The following OIP5 variants were observed in gnomAD, a reference collection of about 807,000 sequenced individuals.
The protein encoded by OIP5 is protein Mis18-beta.
A neutral mutation model predicts 20.3 loss-of-function variants in OIP5; 24 were observed. That is an observed-to-expected ratio of 1.18 (90% CI 0.86 to 1.66). OIP5 has a LOEUF of 1.66. Among genes scored for constraint, OIP5 ranks in the 40% most tolerant of loss-of-function variants. The pLI is 0.00. For synonymous variants in OIP5, 143 were observed against 121.3 expected (o/e 1.18, Z -1.17); for missense variants, 339 against 289.5 (o/e 1.17, Z -1.24).
chr15:41,326,098 G>A (rs1359620139), intron 2 of OIP5, among the ~76,000 whole-genome samples: 2 of 152,148 alleles, frequency 1.3e-5, no homozygotes, highest in African/African-American at 2.4e-5. Flanking sequence ...GGGGGCAGAG[G>A]TTTCAGTGAG....
chr15:41,309,826 C>A lies in OIP5; in HGVS notation c.618G>T (p.Thr206=). ...TCATTAGTGATTTTAAGCGATTGTGCGTTAGCACTATCTTCTCTTTCAGCT... is the reference window on the plus strand; with the variant it reads ...TCATTAGTGATTTTAAGCGATTGTGAGTTAGCACTATCTTCTCTTTCAGCT... ...IAELKEKIVL[T]HNRLKSLMKI... The change falls in exon 5 of 5, where the codon ACG becomes ACT. Residue 206 remains threonine (T), a synonymous_variant. Coordinates refer to ENST00000220514, the MANE Select transcript of OIP5 (RefSeq NM_007280.2). 2 of 1,612,984 alleles carry A rather than the reference C, an allele frequency of 1.2e-6. No individual in the cohort carries two copies. Among genetic ancestry groups the A allele is most frequent in the African/African-American group, 2.7e-5 (2 of 75,030 alleles).
intron 2 of OIP5, among the ~76,000 whole-genome samples, chr15:41,325,849 CA>C (rs35329564): frequency 1.4e-3 from 134 of 98,780 alleles, no homozygotes; most frequent in Middle Eastern, 7.2e-3. Context: ...GACTCCGTCT[CA>C]AAAAAAAAAA....
In OIP5 at chr15:41,332,226, TTCACTGCAC is replaced by T. The variant is rs1326012666; in HGVS notation, c.322+5_322+13del. ...GCTAGCCTCTGCCTTTCCCGAACGC[TTCACTGCAC>T]TCACTGGAGAAGACCACGGCCCCGA... On this transcript the variant is annotated splice_donor_5th_base_variant and intron_variant, in intron 1 of 4. Coordinates refer to ENST00000220514, the MANE Select transcript of OIP5 (RefSeq NM_007280.2). The T allele has an allele frequency of 6.5e-7, 1 of 1,530,680 alleles. No individual in the cohort carries two copies. Among genetic ancestry groups the T allele is most frequent in the Admixed American group, 2.1e-5 (1 of 46,896 alleles). The allele number at this position is 1,530,680 out of a possible 1,614,324, so 94.8% of individuals were successfully genotyped here.
At chr15:41,319,811 A>C (rs1438278075) in intron 2 of OIP5, 31 bp from the exon 3 acceptor site, 4 of 1,560,696 alleles carry the variant, frequency 2.6e-6, no homozygotes, top group Non-Finnish European at 3.5e-6. Flanking sequence ...AATATGGGTA[A>C]GAATAAAAAA....
intron 2 of OIP5, among the ~76,000 whole-genome samples, chr15:41,327,516 G>A (rs1168085310): frequency 6.6e-6 from 1 of 151,898 alleles, no homozygotes; most frequent in African/African-American, 2.4e-5. Flanking sequence ...GAGGCTGGGC[G>A]CAGTGGCTCA....
chr15:41,318,912 A>G (rs928613097), intron 3 of OIP5, among the ~76,000 whole-genome samples: 2 of 151,300 alleles, frequency 1.3e-5, no homozygotes, highest in African/African-American at 4.8e-5. Flanking sequence ...TATATTGCCC[A>G]TGGAGGTCTT....
chr15:41,322,007 C>T (rs923573073), intron 2 of OIP5, among the ~76,000 whole-genome samples: 3 of 152,156 alleles, frequency 2.0e-5, no homozygotes, highest in Non-Finnish European at 4.4e-5. Context: ...ATTACCCTAG[C>T]AAGCCATCTA....
rs563574248 is a variant in OIP5 at position 41,321,121 on chromosome 15, C to T, written c.390-1341G>A. Among the ~76,000 whole-genome samples, 552 of 140,796 alleles carry T rather than the reference C, an allele frequency of 3.9e-3. 3 individuals are homozygous for T. Among genetic ancestry groups the T allele is most frequent in the South Asian group, 6.2e-3 (27 of 4,332 alleles). 92.4% of individuals were successfully genotyped at this position (140,796 alleles called of 152,430 possible). ...CCATCTGGGAAGTGAGGAGCGTCTCCGCCCGGCAGCCACCCTGTCGGGGAG... is the reference window on the plus strand; with the variant it reads ...CCATCTGGGAAGTGAGGAGCGTCTCTGCCCGGCAGCCACCCTGTCGGGGAG... On this transcript the variant is annotated intron_variant, in intron 2 of 4. Coordinates refer to ENST00000220514, the MANE Select transcript of OIP5 (RefSeq NM_007280.2).
chr15:41,322,752 T>G (rs549293515), intron 2 of OIP5, among the ~76,000 whole-genome samples: 1 of 152,220 alleles, frequency 6.6e-6, no homozygotes, highest in African/African-American at 2.4e-5. Context: ...CTGGCCAACG[T>G]GGCGAAACCC....
chr15:41,329,352 G>A (rs1215385528), intron 2 of OIP5, among the ~76,000 whole-genome samples: 1 of 131,478 alleles, frequency 7.6e-6, no homozygotes, highest in Non-Finnish European at 1.5e-5. Flanking sequence ...GTCTCGATCT[G>A]TCGTCCAGGC....
chr15:41,311,262 T>A (rs1299337879), intron 4 of OIP5, among the ~76,000 whole-genome samples: 2 of 152,130 alleles, frequency 1.3e-5, no homozygotes, highest in Non-Finnish European at 2.9e-5. Context: ...GCGCCTGTAG[T>A]CCCAGGTACT....
rs1373993639 is a variant in OIP5 at position 41,309,777 on chromosome 15, C to T, written c.667G>A (p.Asp223Asn). ...LMKILSEVTP[D>N]QSKPEN is the part of the protein sequence containing the mutation. ...GATCAGTTTTCTGGCTTGGACTGGT[C>T]AGGAGTCACTTCACTCAGAATCTTC... is the stretch of plus-strand genomic sequence containing the variant. Residue 223 changes from aspartate to asparagine, a missense_variant, in exon 5 of 5, where the codon GAC becomes AAC. By Grantham distance (23) the Asp-to-Asn change is conservative. Transcript: ENST00000220514. 1.2e-6 allele frequency: 2 copies of T among 1,613,688 alleles called. No individual in the cohort carries two copies. The highest frequency in any genetic ancestry group is 2.7e-5 in the African/African-American group (2 of 74,938).
intron 2 of OIP5, among the ~76,000 whole-genome samples, chr15:41,330,869 C>T (rs981720722): frequency 6.6e-6 from 1 of 152,180 alleles, no homozygotes; most frequent in Admixed American, 6.5e-5. Flanking sequence ...CATTAGCCTC[C>T]TCTCCAAGAG....
At chr15:41,328,163 T>C (rs2047873382) in intron 2 of OIP5, among the ~76,000 whole-genome samples, 1 of 152,246 alleles carries the variant, frequency 6.6e-6, no homozygotes, top group African/African-American at 2.4e-5. Context: ...AGGTATCTGC[T>C]TCAAAACATT....
chr15:41,327,250 C>T (rs1236969016), intron 2 of OIP5, among the ~76,000 whole-genome samples: 3 of 150,796 alleles, frequency 2.0e-5, no homozygotes, highest in South Asian at 2.1e-4. Flanking sequence ...GGTGTGATCT[C>T]GGCTCACTGC....
At chr15:41,327,272 C>G (rs2047867722) in intron 2 of OIP5, among the ~76,000 whole-genome samples, 1 of 150,844 alleles carries the variant, frequency 6.6e-6, no homozygotes, top group African/African-American at 2.4e-5. Flanking sequence ...ACCTCCGCCT[C>G]CTGGGTTCAA....
rs760717935 is a variant in OIP5, at chr15:41,329,313, GTTTTTT to G, written c.389+2596_389+2601del. ...AGAAACACATGGGGCTTTCCCTCTA[GTTTTTT>G]TTTTTTTTTTTTTTCAGACGGAGTC... is the stretch of plus-strand genomic sequence containing the variant. On this transcript the variant is annotated intron_variant, in intron 2 of 4. Transcript: ENST00000220514. Among the ~76,000 whole-genome samples, 8 of 121,266 alleles carry G rather than the reference GTTTTTT, an allele frequency of 6.6e-5. No homozygotes were observed. In the East Asian group the frequency reaches 1.6e-3, roughly 25 times the overall value. The allele number at this position is 121,266 out of a possible 152,430, so 79.6% of individuals were successfully genotyped here. A position where few individuals can be genotyped will look rare whatever the true frequency, so the allele number is the denominator to read the frequency against.
chr15:41,319,908 C>T (rs182524096), intron 2 of OIP5, 128 bp from the exon 3 acceptor site: 161 of 687,626 alleles, frequency 2.3e-4, no homozygotes, highest in African/African-American at 2.2e-3. Context: ...AGGAATGAGA[C>T]GGAAAGAATG....
intron 2 of OIP5, among the ~76,000 whole-genome samples, chr15:41,329,226 A>C (rs2047881702): frequency 1.3e-5 from 2 of 151,694 alleles, no homozygotes; most frequent in Non-Finnish European, 2.9e-5. Flanking sequence ...AGTTGTCTTG[A>C]GCTGTGCCAT....
Sources: gnomAD v4.1 joint callset for allele counts (sites outside exome capture counted in the v4.1 genomes callset) on GRCh38, gnomAD v4.1.1 for gene constraint, MANE v1.5 for transcripts, NCBI Gene and HGNC (gene_info 2026-07-23, HGNC 2026-07-21) for gene names.